Variants in PDE1A observed in about 807,000 individuals in gnomAD.
PDE1A encodes phosphodiesterase 1A.
PDE1A carries 35 observed loss-of-function variants against 61.7 expected under a neutral mutation model. The ratio of observed to expected loss-of-function variants is 0.57; its 90% CI spans 0.43 to 0.75. The LOEUF (loss-of-function observed/expected upper bound fraction) is 0.75, where lower values mean the gene tolerates loss of function less well. PDE1A is among the 30% of genes least tolerant of loss of function. PDE1A has a pLI of 0.00. For synonymous variants in PDE1A, 232 were observed against 213.2 expected (o/e 1.09, Z -0.77); for missense variants, 597 against 630.6 (o/e 0.95, Z 0.57).
chr2:182,504,580 A>C (rs895032904), intron 2 of PDE1A, among the ~76,000 whole-genome samples: 1 of 152,220 alleles, frequency 6.6e-6, no homozygotes, highest in Non-Finnish European at 1.5e-5. Context: ...TTAATCTCTT[A>C]AACTGGGTAT....
intron 1 of PDE1A, among the ~76,000 whole-genome samples, chr2:182,399,106 C>A (rs1430066544): frequency 1.3e-5 from 2 of 151,754 alleles, no homozygotes; most frequent in Admixed American, 6.6e-5. Flanking sequence ...CCAGTTTTCT[C>A]TTTAAAATTT....
chr2:182,490,992 G>A (rs1477166881), intron 2 of PDE1A, among the ~76,000 whole-genome samples: 1 of 152,150 alleles, frequency 6.6e-6, no homozygotes, highest in South Asian at 2.1e-4. Context: ...TCTGAGGTTT[G>A]AGGAGGCAGG....
chr2:182,268,785 T>C (rs187401901), intron 1 of PDE1A, among the ~76,000 whole-genome samples: 1 of 152,216 alleles, frequency 6.6e-6, no homozygotes, highest in Non-Finnish European at 1.5e-5. Context: ...ATCTCGTAAG[T>C]CCTTTGAAGA....
chr2:182,163,729 C>A (rs1594617), downstream of PDE1A, among the ~76,000 whole-genome samples: 78,629 of 151,946 alleles, frequency 0.52, 20,568 homozygotes, highest in Admixed American at 0.61. Context: ...GGGTGTGTTA[C>A]CCTAGCCCAT....
the PDE1A span, among the ~76,000 whole-genome samples, chr2:182,560,691 G>C: frequency 6.6e-6 from 1 of 152,114 alleles, no homozygotes; most frequent in Non-Finnish European, 1.5e-5. Context: ...CAGTGTAAAA[G>C]TGTTCCTATT....
At chr2:182,298,278 G>A (rs1447935205) in intron 1 of PDE1A, among the ~76,000 whole-genome samples, 1 of 152,140 alleles carries the variant, frequency 6.6e-6, no homozygotes, top group Non-Finnish European at 1.5e-5. Flanking sequence ...AGCGCTTAAA[G>A]CAAGAAAATG....
At chr2:182,384,683 A>G (rs781710073) in intron 1 of PDE1A, among the ~76,000 whole-genome samples, 4 of 151,964 alleles carry the variant, frequency 2.6e-5, no homozygotes, top group Non-Finnish European at 1.5e-5. Context: ...AACAGCATCA[A>G]AAGAGCAAAT....
At chr2:182,573,942 A>G in the PDE1A span, among the ~76,000 whole-genome samples, 1 of 133,634 alleles carries the variant, frequency 7.5e-6, no homozygotes, top group African/African-American at 3.0e-5. Flanking sequence ...ATGTATATTT[A>G]TATATTATAT....
intron 1 of PDE1A, among the ~76,000 whole-genome samples, chr2:182,288,630 C>T (rs985697386): frequency 2.0e-5 from 3 of 151,968 alleles, no homozygotes; most frequent in Non-Finnish European, 2.9e-5. Context: ...CCACAGAAAA[C>T]GCCAAGTACA....
chr2:182,601,701 G>T, the PDE1A span, among the ~76,000 whole-genome samples: 6 of 152,156 alleles, frequency 3.9e-5, no homozygotes, highest in Admixed American at 2.6e-4. Context: ...TCAGCCTTCA[G>T]CAGAGAGGAG....
the PDE1A span, among the ~76,000 whole-genome samples, chr2:182,694,117 T>C: frequency 6.6e-6 from 1 of 152,228 alleles, no homozygotes. Flanking sequence ...TAGATAGATA[T>C]ATTTATGTCG....
At chr2:182,629,558 C>T in the PDE1A span, among the ~76,000 whole-genome samples, 2 of 152,186 alleles carry the variant, frequency 1.3e-5, no homozygotes, top group Admixed American at 1.3e-4. Context: ...CTGCTTTTCT[C>T]ACTCAACCAT....
the PDE1A span, among the ~76,000 whole-genome samples, chr2:182,594,059 T>C: frequency 1.3e-5 from 2 of 152,200 alleles, no homozygotes; most frequent in Non-Finnish European, 2.9e-5. Context: ...AAATCTAATA[T>C]AACCATAGAT....
intron 2 of PDE1A, among the ~76,000 whole-genome samples, chr2:182,501,668 G>T (rs1433393591): frequency 1.3e-5 from 2 of 152,062 alleles, no homozygotes; most frequent in South Asian, 2.1e-4. Context: ...AGAAGAAAAG[G>T]TCACTGATTC....
chr2:182,354,500 T>C (rs867305154), intron 1 of PDE1A, among the ~76,000 whole-genome samples: 1 of 152,168 alleles, frequency 6.6e-6, no homozygotes, highest in South Asian at 2.1e-4. Flanking sequence ...AAGTCAATCA[T>C]TAAAAGTTGA....
the PDE1A span, among the ~76,000 whole-genome samples, chr2:182,602,921 T>G: frequency 6.6e-6 from 1 of 152,088 alleles, no homozygotes; most frequent in African/African-American, 2.4e-5. Flanking sequence ...GAATACAATA[T>G]CAACTCAGTT....
At chr2:182,351,576 T>C (rs1484094151) in intron 1 of PDE1A, among the ~76,000 whole-genome samples, 1 of 152,212 alleles carries the variant, frequency 6.6e-6, no homozygotes, top group African/African-American at 2.4e-5. Context: ...TATCAGAGAA[T>C]GTCATTTTTC....
chr2:182,700,205 A>G, the PDE1A span, among the ~76,000 whole-genome samples: 2 of 152,210 alleles, frequency 1.3e-5, no homozygotes, highest in African/African-American at 4.8e-5. Context: ...AATTGTAAGA[A>G]CATCTTACTC....
the PDE1A span, among the ~76,000 whole-genome samples, chr2:182,529,354 T>TA: frequency 6.6e-6 from 1 of 152,324 alleles, no homozygotes. Flanking sequence ...CCTGTAGCCC[T>TA]TTTGTTTTGG....
Sources: allele counts gnomAD v4.1 joint callset (sites outside exome capture counted in the v4.1 genomes callset), GRCh38; gene constraint gnomAD v4.1.1; transcripts MANE v1.5; gene names NCBI Gene and HGNC (gene_info 2026-07-23, HGNC 2026-07-21).